Variants in ELP2 observed in about 807,000 individuals in gnomAD.
The protein encoded by ELP2 is elongator complex protein 2.
ELP2 carries 90 observed loss-of-function variants against 119.2 expected under a neutral mutation model. The observed-to-expected ratio is 0.75, with a 90% CI of 0.64 to 0.90. The LOEUF (loss-of-function observed/expected upper bound fraction) is 0.90, where lower values mean the gene tolerates loss of function less well. Ranked by LOEUF, ELP2 falls within the 40% of genes least tolerant of loss-of-function variation. The probability of loss-of-function intolerance (pLI) is 0.00; values close to 1 mark genes in which losing one functional copy is unlikely to be tolerated. For missense variants in ELP2, 921 were observed against 967.8 expected (o/e 0.95, Z 0.64); for synonymous variants, 339 against 331.0 (o/e 1.02, Z -0.26).
chr18:36,133,770 G>GT (rs1338272586), intron 2 of ELP2, among the ~76,000 whole-genome samples: 3 of 148,798 alleles, frequency 2.0e-5, no homozygotes, highest in Non-Finnish European at 4.5e-5. Flanking sequence ...AGACTAGAAT[G>GT]TTTATTTTTT....
rs60477950 is a variant in ELP2, at chr18:36,166,319, G to GTTTTTTTTTTTTTTTT, written c.1955-769_1955-754dup. Among the ~76,000 whole-genome samples the GTTTTTTTTTTTTTTTT allele has an allele frequency of 2.1e-4, 15 of 71,688 alleles. 4 individuals are homozygous for GTTTTTTTTTTTTTTTT. The highest frequency in any genetic ancestry group is 7.2e-4 in the African/African-American group (13 of 17,964). The allele number at this position is 71,688 out of a possible 152,430, so 47.0% of individuals were successfully genotyped here. ...AGTTATGTGGTTTTTGTTTTTTAGG[G>GTTTTTTTTTTTTTTTT]TTTTTTTTTTTTTTTTTTTTTTTTT... is the stretch of plus-strand genomic sequence containing the variant. On this transcript the variant is annotated intron_variant, in intron 18 of 21. Transcript: ENST00000358232.
chr18:36,145,833 C>T (rs2090179520), intron 9 of ELP2, 115 bp from the exon 10 acceptor site: 2 of 889,592 alleles, frequency 2.2e-6, no homozygotes. Context: ...TTTGCTATTA[C>T]AAATAATGTG....
chr18:36,137,921 T>G (rs2089887892), intron 3 of ELP2, among the ~76,000 whole-genome samples: 1 of 151,980 alleles, frequency 6.6e-6, no homozygotes, highest in Admixed American at 6.6e-5. Flanking sequence ...ATGATGTGCC[T>G]CCTGATGGGA....
intron 1 of ELP2, among the ~76,000 whole-genome samples, chr18:36,132,350 AAGGAATTCTCAGTCT>A (rs2089665863): frequency 6.6e-6 from 1 of 152,242 alleles, no homozygotes; most frequent in Admixed American, 6.5e-5. Context: ...CGTGGCCACC[AAGGAATTCTCAGTCT>A]AGTGGGAGAG....
rs2089525320 is a variant in ELP2 at position 36,129,916 on chromosome 18, G to A, written c.-18G>A. The A allele has an allele frequency of 1.9e-6, 3 of 1,614,072 alleles. No homozygotes were observed. Among genetic ancestry groups the A allele is most frequent in the African/African-American group, 1.3e-5 (1 of 74,934 alleles). The stretch of plus-strand genomic sequence containing the variant: ...GGAAGTGCGCGTCTCTTGTTTGTGC[G>A]GCTGACCAGTTGGCGACATGGTGGC... On this transcript the variant is annotated 5_prime_UTR_variant, in exon 1 of 22. Coordinates refer to ENST00000358232, the MANE Select transcript of ELP2 (RefSeq NM_018255.4).
chr18:36,145,813 T>G (rs996897489), intron 9 of ELP2, 135 bp from the exon 10 acceptor site: 6 of 781,574 alleles, frequency 7.7e-6, no homozygotes, highest in South Asian at 2.8e-5. Flanking sequence ...ATTTGTGGTG[T>G]TTGCAATTTT....
In ELP2 at chr18:36,146,315, C is replaced by T. The variant is rs1038589465; in HGVS notation, c.1059C>T (p.Gly353=). 4 of 1,613,720 alleles carry T rather than the reference C, an allele frequency of 2.5e-6. No homozygotes were observed. Among genetic ancestry groups the T allele is most frequent in the Non-Finnish European group, 3.4e-6 (4 of 1,179,644 alleles). The part of the protein sequence containing the change: ...GFYDCQFNED[G]SMIIAHAFHG... ...ATGATTGCCAGTTCAATGAAGATGG[C>T]TCCATGATCATTGCTCATGCTTTCC... The change falls in exon 11 of 22, where the codon GGC becomes GGT. Residue 353 remains glycine (G), a synonymous_variant. Coordinates refer to ENST00000358232, the MANE Select transcript of ELP2 (RefSeq NM_018255.4).
At chr18:36,152,253 C>CT (rs141929912) in intron 11 of ELP2, among the ~76,000 whole-genome samples, 3,301 of 151,156 alleles carry the variant, frequency 0.022, 52 homozygotes, top group Non-Finnish European at 0.036. Context: ...CCATTTTATT[C>CT]TTTGTTTCTT....
intron 18 of ELP2, among the ~76,000 whole-genome samples, chr18:36,166,121 A>C (rs1426848489): frequency 6.6e-6 from 1 of 151,816 alleles, no homozygotes; most frequent in Non-Finnish European, 1.5e-5. Flanking sequence ...TGAACCCAGG[A>C]GATAAAGGTT....
Position 36,146,262 on chromosome 18 carries a change from G to GA in ELP2, c.1008dup (p.Val337SerfsTer10), listed in dbSNP as rs1355024034. 5 of 1,614,118 alleles carry GA rather than the reference G, an allele frequency of 3.1e-6. No individual in the cohort carries two copies. In the Admixed American group the frequency reaches 5.0e-5, roughly 16 times the overall value. ...TGTTATTGTACAGGTTCGAGTAGGT[G>GA]AAGTAGGTGGGAATACTTTGGGATT... On this transcript the variant is annotated frameshift_variant, in exon 11 of 22. Transcript: ENST00000358232. LOFTEE classifies it high-confidence loss of function.
chr18:36,161,500 T>G (rs1463444947), intron 17 of ELP2, among the ~76,000 whole-genome samples: 1 of 152,128 alleles, frequency 6.6e-6, no homozygotes, highest in Admixed American at 6.6e-5. Flanking sequence ...GTGAAATCCA[T>G]CAGACTGTTT....
chr18:36,166,862 T>G, intron 18 of ELP2: 1 of 290,908 alleles, frequency 3.4e-6, no homozygotes, highest in Middle Eastern at 1.0e-3. Context: ...TGGAAGATGT[T>G]TGTCATCAGT....
chr18:36,178,937 TAGAA>T lies in ELP2; in HGVS notation c.*4301_*4304del, dbSNP rs2091279472. 1.3e-5 allele frequency: 2 copies of T among 152,178 alleles called. No individual in the cohort carries two copies. Among genetic ancestry groups the T allele is most frequent in the South Asian group, 4.1e-4 (2 of 4,834 alleles). 9.4% of individuals were successfully genotyped at this position (152,178 alleles called of 1,614,324 possible). ...TTAAAATTTCCTTATAAGAATTGTTTAGAAAGAATGAGCATATCCATAAGTTAAA... is the reference window on the plus strand; with the variant it reads ...TTAAAATTTCCTTATAAGAATTGTTTAGAATGAGCATATCCATAAGTTAAA... On this transcript the variant is annotated 3_prime_UTR_variant, in exon 22 of 22. Transcript: ENST00000358232.
chr18:36,136,240 C>T (rs2089819470), intron 2 of ELP2, 67 bp from the exon 3 acceptor site: 1 of 1,230,512 alleles, frequency 8.1e-7, no homozygotes, highest in East Asian at 2.3e-5. Context: ...TTTGGTGTAG[C>T]TTGGAAATTT....
intron 13 of ELP2, among the ~76,000 whole-genome samples, chr18:36,158,076 A>G (rs1490872915): frequency 6.6e-6 from 1 of 152,028 alleles, no homozygotes; most frequent in Non-Finnish European, 1.5e-5. Context: ...GTTCTTTTCC[A>G]TGTTAGTTTT....
At chr18:36,167,656 C>T (rs1598831392) in intron 19 of ELP2, among the ~76,000 whole-genome samples, 1 of 151,872 alleles carries the variant, frequency 6.6e-6, no homozygotes, top group Non-Finnish European at 1.5e-5. Flanking sequence ...GTATGACTGA[C>T]CCAAGCTTTA....
intron 3 of ELP2, among the ~76,000 whole-genome samples, chr18:36,137,916 G>A (rs2089887393): frequency 6.6e-6 from 1 of 151,432 alleles, no homozygotes; most frequent in African/African-American, 2.4e-5. Context: ...CTGAAATGAT[G>A]TGCCTCCTGA....
chr18:36,165,123 A>C (rs2090856944), intron 18 of ELP2: 1 of 168,286 alleles, frequency 5.9e-6, no homozygotes, highest in Non-Finnish European at 1.3e-5. Context: ...AAATTATGAA[A>C]TGTAGAGGAA....
Position 36,129,999 on chromosome 18 carries a change from G to A in ELP2, c.66G>A (p.Leu22=). 6.2e-7 allele frequency: 1 copy of A among 1,614,200 alleles called. No homozygotes were observed. ...FCCPNRVRGV[L]NWSSGPRGLL... ...GCCCAAACCGGGTGCGGGGAGTCCT[G>A]AACTGGAGCTCTGGGCCCAGAGGAC... Residue 22 remains leucine (L), a synonymous_variant, in exon 1 of 22, where the codon CTG becomes CTA. Coordinates refer to ENST00000358232, the MANE Select transcript of ELP2 (RefSeq NM_018255.4).
Sources: gnomAD v4.1 joint callset for allele counts (sites outside exome capture counted in the v4.1 genomes callset) on GRCh38, gnomAD v4.1.1 for gene constraint, MANE v1.5 for transcripts, NCBI Gene and HGNC (gene_info 2026-07-23, HGNC 2026-07-21) for gene names.